The following FAT3 variants were observed in gnomAD, a reference collection of about 807,000 sequenced individuals.
FAT3 encodes FAT atypical cadherin 3.
In FAT3, 95 loss-of-function variants were observed where a neutral mutation model predicts 310.2. The observed-to-expected ratio is 0.31, with a 90% CI of 0.26 to 0.36. The LOEUF is 0.36. Ranked by LOEUF, FAT3 falls within the 10% of genes least tolerant of loss-of-function variation. The pLI is 1.00. For missense variants in FAT3, 5,408 were observed against 5,715.6 expected, an observed-to-expected ratio of 0.95 and a Z score of 1.74; for synonymous variants, 2,314 against 2,192.9, an observed-to-expected ratio of 1.06 and a Z score of -1.54.
chr11:92,378,985 G>A (rs1252765039), intron 2 of FAT3, among the ~76,000 whole-genome samples: 1 of 152,056 alleles, frequency 6.6e-6, no homozygotes, highest in African/African-American at 2.4e-5. Flanking sequence ...ATCACCTTGG[G>A]GGTTACGAAT....
chr11:92,480,349 G>A (rs550700917), intron 2 of FAT3, among the ~76,000 whole-genome samples: 11 of 152,270 alleles, frequency 7.2e-5, no homozygotes, highest in Admixed American at 6.5e-4. Context: ...TGGAGTCAAA[G>A]GCAGTATATT....
At chr11:92,873,406 A>G (rs1210075346) in intron 22 of FAT3, among the ~76,000 whole-genome samples, 1 of 152,164 alleles carries the variant, frequency 6.6e-6, no homozygotes, top group Non-Finnish European at 1.5e-5. Context: ...CTACTTACAC[A>G]TTTGTCATTA....
chr11:92,315,506 T>TAGAGAGAGAG (rs1947426429), intron 1 of FAT3, among the ~76,000 whole-genome samples: 6 of 86,606 alleles, frequency 6.9e-5, no homozygotes, highest in Non-Finnish European at 1.1e-4. Flanking sequence ...TATATATATA[T>TAGAGAGAGAG]ATATATAGAG....
At chr11:92,408,458 G>T (rs1950182327) in intron 2 of FAT3, among the ~76,000 whole-genome samples, 1 of 152,148 alleles carries the variant, frequency 6.6e-6, no homozygotes, top group Admixed American at 6.5e-5. Context: ...GGCTCTCCGA[G>T]CCTTAGTTCC....
chr11:92,533,492 C>T (rs1954148186), intron 3 of FAT3, among the ~76,000 whole-genome samples: 2 of 152,250 alleles, frequency 1.3e-5, no homozygotes, highest in South Asian at 4.1e-4. Flanking sequence ...TTATGAGAAG[C>T]AGATTTGGAT....
Position 92,800,958 on chromosome 11 carries a change from G to A in FAT3, c.7945G>A (p.Asp2649Asn), listed in dbSNP as rs1162671325. 9.3e-6 allele frequency: 15 copies of A among 1,612,934 alleles called. No individual in the cohort carries two copies. Among genetic ancestry groups the A allele is most frequent in the East Asian group, 2.2e-5 (1 of 44,780 alleles). The stretch of plus-strand genomic sequence containing the variant: ...TAGCGAGGCCTCTGTTTCAGTGGCC[G>A]ACCTCCTGGAAATCGATCCTGACAA... ...LYSEASVSVA[D>N]LLEIDPDNGW... The change falls in exon 10 of 28, where the codon GAC becomes AAC. Residue 2649 changes from aspartate to asparagine, a missense_variant. By Grantham distance (23) the Asp-to-Asn change is conservative (BLOSUM62 1). Transcript: ENST00000525166.
intron 9 of FAT3, among the ~76,000 whole-genome samples, chr11:92,794,126 A>G (rs1295967226): frequency 3.3e-5 from 5 of 152,178 alleles, no homozygotes; most frequent in African/African-American, 9.7e-5. Context: ...TTTCCTTTCA[A>G]TCTAAAGCCT....
Position 92,893,688 on chromosome 11 carries a change from T to A in FAT3, c.*2575T>A, listed in dbSNP as rs1949964519. Reference sequence around the variant, plus strand: ...TTTCTTTGGGATATCATCCCCTGATTTTCTGCAGAATAGCTCTGCAGCTAA... The same window carrying A: ...TTTCTTTGGGATATCATCCCCTGATATTCTGCAGAATAGCTCTGCAGCTAA... On this transcript the variant is annotated 3_prime_UTR_variant, in exon 28 of 28. Transcript: ENST00000525166. 1 of 152,232 alleles carries A rather than the reference T, an allele frequency of 6.6e-6. No individual in the cohort carries two copies. The highest frequency in any genetic ancestry group is 1.5e-5 in the Non-Finnish European group (1 of 68,030). The allele number at this position is 152,232 out of a possible 1,614,324, so 9.4% of individuals were successfully genotyped here.
chr11:92,509,559 G>T (rs981858223), intron 2 of FAT3, among the ~76,000 whole-genome samples: 5 of 152,112 alleles, frequency 3.3e-5, no homozygotes, highest in Non-Finnish European at 7.4e-5. Flanking sequence ...CTCTTCTAGG[G>T]TATATGGCAG....
intron 2 of FAT3, among the ~76,000 whole-genome samples, chr11:92,398,503 A>G (rs1409503389): frequency 9.4e-6 from 1 of 106,588 alleles, no homozygotes; most frequent in African/African-American, 4.2e-5. Flanking sequence ...TCCGTCCCAA[A>G]AAAAAAAAAA....
At chr11:92,570,350 A>G (rs959503333) in intron 3 of FAT3, among the ~76,000 whole-genome samples, 6 of 152,338 alleles carry the variant, frequency 3.9e-5, no homozygotes, top group African/African-American at 1.4e-4. Flanking sequence ...TGAAGTTCTC[A>G]TCAAATGTCC....
intron 18 of FAT3, among the ~76,000 whole-genome samples, chr11:92,841,507 T>A (rs1424729947): frequency 1.3e-5 from 2 of 152,212 alleles, no homozygotes; most frequent in Non-Finnish European, 2.9e-5. Context: ...CACCTTACTT[T>A]ACTCCATGAA....
intron 2 of FAT3, among the ~76,000 whole-genome samples, chr11:92,374,494 CT>C (rs1470797914): frequency 6.6e-6 from 1 of 152,186 alleles, no homozygotes; most frequent in Non-Finnish European, 1.5e-5. Context: ...GGTATTTTAA[CT>C]TGCAGGAAGG....
intron 4 of FAT3, among the ~76,000 whole-genome samples, chr11:92,755,169 G>A (rs1453168219): frequency 6.6e-6 from 1 of 152,030 alleles, no homozygotes; most frequent in Non-Finnish European, 1.5e-5. Flanking sequence ...TTATACTAAT[G>A]GTAATAACAA....
intron 1 of FAT3, among the ~76,000 whole-genome samples, chr11:92,338,413 A>T (rs1948148522): frequency 6.6e-6 from 1 of 152,038 alleles, no homozygotes. Context: ...GGCATTTAAA[A>T]TCTGTTTAGG....
intron 14 of FAT3, among the ~76,000 whole-genome samples, chr11:92,833,381 T>C (rs916763507): frequency 1.3e-5 from 2 of 152,192 alleles, no homozygotes; most frequent in Non-Finnish European, 2.9e-5. Flanking sequence ...CTTTGGGTAG[T>C]CCAGTAAATA....
intron 2 of FAT3, among the ~76,000 whole-genome samples, chr11:92,509,193 G>GT (rs1356204259): frequency 7.2e-5 from 11 of 152,004 alleles, no homozygotes; most frequent in African/African-American, 2.7e-4. Context: ...TAATTTTTGT[G>GT]TTTTTTCCCA....
At chr11:92,386,598 A>G (rs544431591) in intron 2 of FAT3, among the ~76,000 whole-genome samples, 1 of 152,222 alleles carries the variant, frequency 6.6e-6, no homozygotes, top group Non-Finnish European at 1.5e-5. Flanking sequence ...ATTAATATTC[A>G]TTAGATAGTT....
intron 1 of FAT3, among the ~76,000 whole-genome samples, chr11:92,338,576 T>C (rs536142801): frequency 5.3e-5 from 8 of 152,106 alleles, no homozygotes; most frequent in Non-Finnish European, 1.0e-4. Flanking sequence ...CCTGGGAGGC[T>C]GTGGTCTTGG....
Sources: allele counts gnomAD v4.1 joint callset (sites outside exome capture counted in the v4.1 genomes callset), GRCh38; gene constraint gnomAD v4.1.1; transcripts MANE v1.5; gene names NCBI Gene and HGNC (gene_info 2026-07-23, HGNC 2026-07-21).